TMEM230: variants seen among roughly 807,000 people sequenced by gnomAD.
TMEM230 encodes the protein transmembrane protein 230, also known as UPF0414 transmembrane protein C20orf30.
TMEM230 carries 10 observed loss-of-function variants against 15.8 expected under a neutral mutation model. The ratio of observed to expected loss-of-function variants is 0.63; its 90% CI spans 0.39 to 1.07. The LOEUF is 1.07. Among genes scored for constraint, TMEM230 ranks in the 50% least tolerant of loss-of-function variants. The pLI is 0.01. For synonymous variants in TMEM230, 67 were observed against 76.9 expected (o/e 0.87, Z 0.68); for missense variants, 165 against 193.3 (o/e 0.85, Z 0.87).
At chr20:5,080,295 T>G (rs1395480071) in intron 3 of TMEM230, among the ~76,000 whole-genome samples, 1 of 152,250 alleles carries the variant, frequency 6.6e-6, no homozygotes, top group African/African-American at 2.4e-5. Context: ...GCAATTAATG[T>G]GTTCACAAAT....
At chr20:5,112,896 G>C in intron 1 of TMEM230, 65 bp downstream of exon 1, 1 of 1,548,312 alleles carries the variant, frequency 6.5e-7, no homozygotes, top group Non-Finnish European at 8.7e-7. Context: ...GGGGAGCGCG[G>C]TCTCGGACAC....
At chr20:5,112,481 G>A (rs970505115) in intron 1 of TMEM230, among the ~76,000 whole-genome samples, 3 of 152,120 alleles carry the variant, frequency 2.0e-5, no homozygotes, top group Non-Finnish European at 2.9e-5. Context: ...TCATACATCC[G>A]CATCAAAACA....
At chr20:5,076,431 C>T (rs1004949161) in intron 3 of TMEM230, among the ~76,000 whole-genome samples, 2 of 151,844 alleles carry the variant, frequency 1.3e-5, no homozygotes, top group Non-Finnish European at 2.9e-5. Context: ...ATCCCAGCTA[C>T]TCGGGAGGCT....
the TMEM230 span, among the ~76,000 whole-genome samples, chr20:5,062,984 C>T: frequency 1.3e-5 from 2 of 152,088 alleles, no homozygotes; most frequent in Non-Finnish European, 2.9e-5. Flanking sequence ...CTGCTCCCTG[C>T]ATTCTGAGCA....
chr20:5,067,605 G>A (rs1381970667), downstream of TMEM230, among the ~76,000 whole-genome samples: 2 of 150,166 alleles, frequency 1.3e-5, no homozygotes, highest in Non-Finnish European at 3.0e-5. Context: ...CACCACACCC[G>A]GCTAATTTTT....
At chr20:5,103,408 G>C (rs1356020870) in intron 4 of TMEM230, among the ~76,000 whole-genome samples, 1 of 152,024 alleles carries the variant, frequency 6.6e-6, no homozygotes, top group Non-Finnish European at 1.5e-5. Flanking sequence ...AGGTTGCAGA[G>C]AGCTGTGATC....
chr20:5,107,197 G>T (rs2090128614), intron 3 of TMEM230, among the ~76,000 whole-genome samples: 1 of 152,192 alleles, frequency 6.6e-6, no homozygotes, highest in Non-Finnish European at 1.5e-5. Context: ...GGCTACTTGG[G>T]ACGCTAAGCT....
downstream of TMEM230, among the ~76,000 whole-genome samples, chr20:5,097,495 T>C (rs1404416055): frequency 6.6e-6 from 1 of 152,200 alleles, no homozygotes; most frequent in Non-Finnish European, 1.5e-5. Flanking sequence ...AGGTAAAATA[T>C]ACATCTGACA....
the TMEM230 span, among the ~76,000 whole-genome samples, chr20:5,059,814 C>T: frequency 6.9e-4 from 94 of 136,334 alleles, no homozygotes; most frequent in African/African-American, 2.5e-3. Flanking sequence ...CTCGCTCTGT[C>T]GCCCAGGCTG....
chr20:5,109,128 T>C (rs771273575), intron 3 of TMEM230: 1 of 436,380 alleles, frequency 2.3e-6, no homozygotes. Context: ...TTCTTAGAAA[T>C]GGACAATACT....
rs1162594410 is a variant in TMEM230 at position 5,104,956 on chromosome 20, A to C, written c.411+1232T>G. On this transcript the variant is annotated intron_variant, in intron 4 of 4. Transcript: ENST00000342308. ...TAAGCTCTAGTATTTGATAGCACAA[A>C]GTGACTAGAGAATAATTTATTGTAC... 2.0e-5 allele frequency among the ~76,000 whole-genome samples: 3 copies of C among 152,224 alleles called. No homozygotes were observed. In the East Asian group the frequency reaches 5.8e-4, roughly 29 times the overall value.
the TMEM230 span, among the ~76,000 whole-genome samples, chr20:5,062,791 G>A: frequency 6.6e-6 from 1 of 151,926 alleles, no homozygotes; most frequent in Non-Finnish European, 1.5e-5. Flanking sequence ...TAAATAATCA[G>A]CAGTCCCTAA....
chr20:5,103,379 G>C (rs935342609), intron 4 of TMEM230, among the ~76,000 whole-genome samples: 1 of 152,062 alleles, frequency 6.6e-6, no homozygotes, highest in Non-Finnish European at 1.5e-5. Context: ...TGGGAGGATC[G>C]ACTGAGCCCT....
At chr20:5,102,576 A>C (rs2089913410) in intron 4 of TMEM230, among the ~76,000 whole-genome samples, 1 of 151,452 alleles carries the variant, frequency 6.6e-6, no homozygotes, top group Non-Finnish European at 1.5e-5. Context: ...CTGTGGTCCC[A>C]GTTGCTAGTG....
At chr20:5,108,232 C>G (rs1286869376) in intron 3 of TMEM230, among the ~76,000 whole-genome samples, 2 of 152,084 alleles carry the variant, frequency 1.3e-5, no homozygotes, top group Non-Finnish European at 2.9e-5. Flanking sequence ...CCAGCCTGAC[C>G]AACATGGAGA....
At chr20:5,060,619 G>A in the TMEM230 span, among the ~76,000 whole-genome samples, 1 of 152,130 alleles carries the variant, frequency 6.6e-6, no homozygotes. Context: ...TCACAGGTGT[G>A]AGCCACTGTG....
chr20:5,096,369 T>A (rs55948698), downstream of TMEM230, among the ~76,000 whole-genome samples: 10,642 of 152,242 alleles, frequency 0.07, 482 homozygotes, highest in Non-Finnish European at 0.1. Flanking sequence ...ATCCCCACTT[T>A]AGAAGGAAAC....
chr20:5,063,237 T>C (rs2088622683), downstream of TMEM230, among the ~76,000 whole-genome samples: 2 of 146,950 alleles, frequency 1.4e-5, no homozygotes, highest in South Asian at 4.4e-4. Context: ...ATAATCCTCC[T>C]CCATCCCCCT....
chr20:5,066,588 C>A (rs1408471328), downstream of TMEM230, among the ~76,000 whole-genome samples: 1 of 150,758 alleles, frequency 6.6e-6, no homozygotes, highest in African/African-American at 2.4e-5. Flanking sequence ...AGGAGAATAG[C>A]TTGAACCCGG....
Sources: gnomAD v4.1 joint callset for allele counts (sites outside exome capture counted in the v4.1 genomes callset) on GRCh38, gnomAD v4.1.1 for gene constraint, MANE v1.5 for transcripts, NCBI Gene and HGNC (gene_info 2026-07-23, HGNC 2026-07-21) for gene names.